IL13: variants seen among roughly 807,000 people sequenced by gnomAD.
IL13 encodes the protein interleukin-13.
A neutral mutation model predicts 11.1 loss-of-function variants in IL13; 9 were observed. The observed-to-expected ratio is 0.81, with a 90% CI of 0.49 to 1.42. The LOEUF (loss-of-function observed/expected upper bound fraction) is 1.42, where lower values mean the gene tolerates loss of function less well. IL13 is among the 40% of genes most tolerant of loss of function. The pLI is 0.00. For missense variants in IL13, 181 were observed against 182.5 expected, an observed-to-expected ratio of 0.99 and a Z score of 0.05; for synonymous variants, 75 against 76.9, an observed-to-expected ratio of 0.97 and a Z score of 0.13.
Position 132,659,500 on chromosome 5 carries a change from G to T in IL13, c.228+29G>T. On this transcript the variant is annotated intron_variant, in intron 2 of 3. Transcript: ENST00000304506. This position sits in a 1 kb window ranked among gnomAD's most constrained non-coding sequence, Gnocchi z 4.1. Reference sequence around the variant, plus strand: ...AGGACCTTTGGGTGCAGGGAGGATGGGGCAGAGGCTCCAGGCCTTGGGCTT... The same window carrying T: ...AGGACCTTTGGGTGCAGGGAGGATGTGGCAGAGGCTCCAGGCCTTGGGCTT... 1 of 1,596,412 alleles carries T rather than the reference G, an allele frequency of 6.3e-7. No individual in the cohort carries two copies.
At position 132,659,167 on chromosome 5, in the gene IL13, AGCTTGTCCCTTACTAGTG is replaced by A. The variant is rs1752097571; in HGVS notation, c.175-249_175-232del. ...CCTGACTATGGCAAGCCTTGCATGCAGCTTGTCCCTTACTAGTGGTGTCAATTTTTTTCTCTCAGCTCC... is the reference window on the plus strand; with the variant it reads ...CCTGACTATGGCAAGCCTTGCATGCAGTGTCAATTTTTTTCTCTCAGCTCC... On this transcript the variant is annotated intron_variant, in intron 1 of 3. Transcript: ENST00000304506. The surrounding 1 kb of genome is among the most constrained non-coding windows in gnomAD (Gnocchi z 4.1). 1 of 489,862 alleles carries A rather than the reference AGCTTGTCCCTTACTAGTG, an allele frequency of 2.0e-6. No homozygotes were observed. The highest frequency in any genetic ancestry group is 2.0e-5 in the African/African-American group (1 of 51,240). 30.3% of individuals were successfully genotyped at this position (489,862 alleles called of 1,614,324 possible).
chr5:132,660,046 AC>A, intron 3 of IL13, 128 bp from the exon 4 acceptor site: 1 of 1,211,740 alleles, frequency 8.3e-7, no homozygotes, highest in South Asian at 1.5e-5. Flanking sequence ...CAGTAGAGGT[AC>A]TAACAGTACC....
intron 1 of IL13, 39 bp downstream of exon 1, chr5:132,658,399 C>G: frequency 7.6e-7 from 1 of 1,316,228 alleles, no homozygotes; most frequent in South Asian, 1.3e-5. Flanking sequence ...TATGAGGGCT[C>G]CAGGGTGGGT....
At chr5:132,657,590 C>T (rs1244220712), upstream of IL13, among the ~76,000 whole-genome samples, 1 of 152,198 alleles carries the variant, frequency 6.6e-6, no homozygotes, top group Non-Finnish European at 1.5e-5. Flanking sequence ...GAAATCTGAA[C>T]TTTGACAATC....
chr5:132,658,543 G>A, intron 1 of IL13, 183 bp downstream of exon 1: 1 of 547,810 alleles, frequency 1.8e-6, no homozygotes, highest in Non-Finnish European at 3.2e-6. Flanking sequence ...TCAGCACTGT[G>A]GATGGACCTA....
intron 1 of IL13, chr5:132,658,892 G>C (rs1752091566): frequency 5.8e-6 from 1 of 172,214 alleles, no homozygotes; most frequent in African/African-American, 2.4e-5. Flanking sequence ...CAAGAGGCAG[G>C]TACGATGAAC....
chr5:132,659,610 C>T lies in IL13; in HGVS notation c.229-114C>T. ...CCCTCCCGCCATAATCTGGCCCCTTCCCGCCCACCACCCAGACTCACCTGC... is the reference window on the plus strand; with the variant it reads ...CCCTCCCGCCATAATCTGGCCCCTTTCCGCCCACCACCCAGACTCACCTGC... On this transcript the variant is annotated intron_variant, in intron 2 of 3. Transcript: ENST00000304506. The surrounding 1 kb of genome is among the most constrained non-coding windows in gnomAD (Gnocchi z 4.1). The T allele has an allele frequency of 6.3e-7, 1 of 1,582,614 alleles. No homozygotes were observed. Among genetic ancestry groups the T allele is most frequent in the South Asian group, 1.1e-5 (1 of 88,872 alleles).
chr5:132,657,440 C>A (rs766217196), upstream of IL13, among the ~76,000 whole-genome samples: 25 of 152,078 alleles, frequency 1.6e-4, no homozygotes, highest in Non-Finnish European at 2.9e-4. Context: ...TCGCTTGAGT[C>A]TGGGAGTTGG....
Position 132,659,067 on chromosome 5 carries a change from G to T in IL13, c.175-351G>T. The stretch of plus-strand genomic sequence containing the variant: ...ACCGCCTCCCATCTGATTTGTCTTG[G>T]TCAACAGTGGCCCAGGCCACTCCTA... On this transcript the variant is annotated intron_variant, in intron 1 of 3. Coordinates refer to ENST00000304506, the MANE Select transcript of IL13 (RefSeq NM_002188.3). The surrounding 1 kb of genome is among the most constrained non-coding windows in gnomAD (Gnocchi z 4.1). 3.3e-6 allele frequency: 1 copy of T among 299,398 alleles called. No homozygotes were observed. Among genetic ancestry groups the T allele is most frequent in the South Asian group, 4.1e-5 (1 of 24,356 alleles). 18.5% of individuals were successfully genotyped at this position (299,398 alleles called of 1,614,324 possible).
rs754514806 is a variant in IL13, at chr5:132,659,680, G to T, written c.229-44G>T. ...TCTTCCTGCAGACTCACAAAAGGCAGCTGCCCAAGCAGGGCCTGACCCCTC... is the reference window on the plus strand; with the variant it reads ...TCTTCCTGCAGACTCACAAAAGGCATCTGCCCAAGCAGGGCCTGACCCCTC... On this transcript the variant is annotated intron_variant, in intron 2 of 3. Coordinates refer to ENST00000304506, the MANE Select transcript of IL13 (RefSeq NM_002188.3). This position sits in a 1 kb window ranked among gnomAD's most constrained non-coding sequence, Gnocchi z 4.1. The T allele has an allele frequency of 1.2e-6, 2 of 1,604,948 alleles. No individual in the cohort carries two copies. Among genetic ancestry groups the T allele is most frequent in the South Asian group, 2.2e-5 (2 of 90,506 alleles).
Position 132,660,064 on chromosome 5 carries a change from A to C in IL13, c.334-111A>C, listed in dbSNP as rs532383493. On this transcript the variant is annotated intron_variant, in intron 3 of 3. Coordinates refer to ENST00000304506, the MANE Select transcript of IL13 (RefSeq NM_002188.3). The stretch of plus-strand genomic sequence containing the variant: ...TAGAGGTACTAACAGTACCCACCTC[A>C]TGGGGACTTCCGTGAGGACTGAATG... The C allele has an allele frequency of 1.8e-4, 231 of 1,270,072 alleles. No individual in the cohort carries two copies. The African/African-American group carries it at 3.2e-3, about 18-fold the overall frequency. The allele number at this position is 1,270,072 out of a possible 1,614,324, so 78.7% of individuals were successfully genotyped here. A position where few individuals can be genotyped will look rare whatever the true frequency, so the allele number is the denominator to read the frequency against.
chr5:132,658,241 T>C lies in IL13; in HGVS notation c.55T>C (p.Leu19=), dbSNP rs201053365. Residue 19 remains leucine (L), a synonymous_variant, in exon 1 of 4, where the codon TTG becomes CTG. Transcript: ENST00000304506. The part of the protein sequence containing the change: ...LLALGLMALL[L]TTVIALTCLG... ...GGCACTGGGCCTCATGGCGCTTTTG[T>C]TGACCACGGTCATTGCTCTCACTTG... The C allele has an allele frequency of 2.5e-6, 4 of 1,611,914 alleles. No individual in the cohort carries two copies.
At position 132,659,134 on chromosome 5, in the gene IL13, C is replaced by T; in HGVS notation, c.175-284C>T. The T allele has an allele frequency of 2.4e-6, 1 of 422,838 alleles. No individual in the cohort carries two copies. The highest frequency in any genetic ancestry group is 4.4e-6 in the Non-Finnish European group (1 of 225,868). The allele number at this position is 422,838 out of a possible 1,614,324, so 26.2% of individuals were successfully genotyped here. A position where few individuals can be genotyped will look rare whatever the true frequency, so the allele number is the denominator to read the frequency against. On this transcript the variant is annotated intron_variant, in intron 1 of 3. Coordinates refer to ENST00000304506, the MANE Select transcript of IL13 (RefSeq NM_002188.3). This position sits in a 1 kb window ranked among gnomAD's most constrained non-coding sequence, Gnocchi z 4.1. ...CCTGGCCCTTCCCGCAGGCCCCTGT[C>T]CTCCTGCCCTGACTATGGCAAGCCT...
At position 132,659,313 on chromosome 5, in the gene IL13, C is replaced by T. The variant is rs1752101361; in HGVS notation, c.175-105C>T. On this transcript the variant is annotated intron_variant, in intron 1 of 3. Coordinates refer to ENST00000304506, the MANE Select transcript of IL13 (RefSeq NM_002188.3). The surrounding 1 kb of genome is among the most constrained non-coding windows in gnomAD (Gnocchi z 4.1). The stretch of plus-strand genomic sequence containing the variant: ...TGCCAGGCCTGCCTCTGTGCCACAC[C>T]AGGGATGCTTGTGGGGCCTGTGCTG... 1.2e-6 allele frequency: 1 copy of T among 802,270 alleles called. No homozygotes were observed. The highest frequency in any genetic ancestry group is 2.2e-6 in the Non-Finnish European group (1 of 464,958). The allele number at this position is 802,270 out of a possible 1,614,324, so 49.7% of individuals were successfully genotyped here.
chr5:132,660,512 G>A lies in IL13; in HGVS notation c.*230G>A. ...GTGGGCCTCCTCTGTCCAGGGCCCTGAGCTCGGTGGACCCAGGGATGACAT... is the reference window on the plus strand; with the variant it reads ...GTGGGCCTCCTCTGTCCAGGGCCCTAAGCTCGGTGGACCCAGGGATGACAT... On this transcript the variant is annotated 3_prime_UTR_variant, in exon 4 of 4. Coordinates refer to ENST00000304506, the MANE Select transcript of IL13 (RefSeq NM_002188.3). 3.6e-6 allele frequency: 2 copies of A among 559,360 alleles called. No homozygotes were observed. The highest frequency in any genetic ancestry group is 4.2e-5 in the South Asian group (2 of 47,998). The allele number at this position is 559,360 out of a possible 1,614,324, so 34.6% of individuals were successfully genotyped here.
At position 132,660,384 on chromosome 5, in the gene IL13, G is replaced by A; in HGVS notation, c.*102G>A. The A allele has an allele frequency of 6.8e-7, 1 of 1,478,108 alleles. No individual in the cohort carries two copies. Among genetic ancestry groups the A allele is most frequent in the Non-Finnish European group, 9.0e-7 (1 of 1,114,598 alleles). The allele number at this position is 1,478,108 out of a possible 1,614,324, so 91.6% of individuals were successfully genotyped here. On this transcript the variant is annotated 3_prime_UTR_variant, in exon 4 of 4. Coordinates refer to ENST00000304506, the MANE Select transcript of IL13 (RefSeq NM_002188.3). Reference sequence around the variant, plus strand: ...AAAAATGTCTTGGGTAGGCGGGAAGGAGGGTTAGGGAGGGGTAAAATTCCT... The same window carrying A: ...AAAAATGTCTTGGGTAGGCGGGAAGAAGGGTTAGGGAGGGGTAAAATTCCT...
In IL13 at chr5:132,659,972, G is replaced by T; in HGVS notation, c.333+144G>T. 2 of 1,446,002 alleles carry T rather than the reference G, an allele frequency of 1.4e-6. No homozygotes were observed. Among genetic ancestry groups the T allele is most frequent in the Admixed American group, 2.4e-5 (1 of 42,476 alleles). 89.6% of individuals were successfully genotyped at this position (1,446,002 alleles called of 1,614,324 possible). A position where few individuals can be genotyped will look rare whatever the true frequency, so the allele number is the denominator to read the frequency against. The stretch of plus-strand genomic sequence containing the variant: ...GTGGCAGCAGGGACGTGGCCTTCGG[G>T]ATTTACAGGATCTGGGCTCAAGGGC... On this transcript the variant is annotated intron_variant, in intron 3 of 3. Transcript: ENST00000304506. This position sits in a 1 kb window ranked among gnomAD's most constrained non-coding sequence, Gnocchi z 4.1.
intron 1 of IL13, chr5:132,658,633 C>A: frequency 2.5e-6 from 1 of 404,848 alleles, no homozygotes; most frequent in Non-Finnish European, 4.4e-6. Flanking sequence ...TCCTACTCAG[C>A]CATTCCTGAA....
chr5:132,660,433 GC>G lies in IL13; in HGVS notation c.*154del. The G allele has an allele frequency of 7.6e-7, 1 of 1,316,216 alleles. No homozygotes were observed. Among genetic ancestry groups the G allele is most frequent in the Non-Finnish European group, 1.0e-6 (1 of 993,420 alleles). 81.5% of individuals were successfully genotyped at this position (1,316,216 alleles called of 1,614,324 possible). ...CTTAGCTTAGACCTCAGCCTGTGCT[GC>G]CCGTCTTCAGCCTAGCCGACCTCAG... is the stretch of plus-strand genomic sequence containing the variant. On this transcript the variant is annotated 3_prime_UTR_variant, in exon 4 of 4. Coordinates refer to ENST00000304506, the MANE Select transcript of IL13 (RefSeq NM_002188.3).
Sources: gnomAD v4.1 joint callset for allele counts (sites outside exome capture counted in the v4.1 genomes callset) on GRCh38, gnomAD v4.1.1 for gene constraint, Gnocchi (gnomAD v3.1) non-coding constraint, MANE v1.5 for transcripts, NCBI Gene and HGNC (gene_info 2026-07-23, HGNC 2026-07-21) for gene names.